SMARCA1: variants seen among roughly 807,000 people sequenced by gnomAD.
The protein encoded by SMARCA1 is SWI/SNF-related matrix-associated actin-dependent regulator of chromatin subfamily A member 1.
SMARCA1 carries 17 observed loss-of-function variants against 93.6 expected under a neutral mutation model. The observed-to-expected ratio is 0.18, with a 90% confidence interval of 0.12 to 0.27. SMARCA1 has a LOEUF of 0.27. Among genes scored for constraint, SMARCA1 ranks in the 10% least tolerant of loss-of-function variants. The probability of loss-of-function intolerance (pLI) is 1.00; values close to 1 mark genes in which losing one functional copy is unlikely to be tolerated. For missense variants in SMARCA1, 630 were observed against 819.0 expected, an observed-to-expected ratio of 0.77 and a Z score of 2.82; for synonymous variants, 271 against 271.4, an observed-to-expected ratio of 1.00 and a Z score of 0.01.
chrX:129,505,583 G>A (rs972393498), intron 8 of SMARCA1, among the ~76,000 whole-genome samples: 1 of 110,500 alleles, frequency 9.0e-6, no homozygotes, highest in South Asian at 3.9e-4. Flanking sequence ...TTAGTTTGGT[G>A]TCCTAGCATA....
chrX:129,490,613 A>G (rs910315773), intron 14 of SMARCA1, among the ~76,000 whole-genome samples: 4 of 112,105 alleles, frequency 3.6e-5, no homozygotes, highest in Admixed American at 2.8e-4. Flanking sequence ...TATGCAGTAA[A>G]GAGTTATAAA....
chrX:129,487,638 T>C (rs1416634884), intron 16 of SMARCA1, among the ~76,000 whole-genome samples: 2 of 112,158 alleles, frequency 1.8e-5, no homozygotes, highest in Admixed American at 1.9e-4. Context: ...ATCCACACTG[T>C]GATTAACTCA....
intron 12 of SMARCA1, among the ~76,000 whole-genome samples, chrX:129,494,901 T>C (rs1934264089): frequency 8.9e-6 from 1 of 112,429 alleles, no homozygotes; most frequent in Middle Eastern, 4.7e-3. Context: ...CCATGATCTT[T>C]ACCCAAAGCA....
Position 129,515,976 on chromosome X carries a change from T to A in SMARCA1, c.447A>T (p.Thr149=). 8.3e-7 allele frequency: 1 copy of A among 1,202,852 alleles called. No individual in the cohort carries two copies. The highest frequency in any genetic ancestry group is 1.1e-6 in the Non-Finnish European group (1 of 887,746). Reference sequence around the variant, plus strand: ...GTAGCTCTTCATCTTCTTCTTGCTCTGTGCGCCTATGGCGGTAGCTGAAAT... The same window carrying A: ...GTAGCTCTTCATCTTCTTCTTGCTCAGTGCGCCTATGGCGGTAGCTGAAAT... ...ISAGDYRHRR[T]EQEEDEELLS... is the part of the protein sequence containing the mutation. The change falls in exon 4 of 25, where the codon ACA becomes ACT. Residue 149 remains threonine, a synonymous_variant. Transcript: ENST00000371121.
chrX:129,523,099 C>T, intron 1 of SMARCA1, 98 bp downstream of exon 1: 2 of 988,212 alleles, frequency 2.0e-6, no homozygotes, highest in Non-Finnish European at 1.4e-6. Context: ...CGCAAAGCTC[C>T]GCGGGTACCT....
At chrX:129,450,278 T>A (rs1932224522) in intron 23 of SMARCA1, among the ~76,000 whole-genome samples, 1 of 111,974 alleles carries the variant, frequency 8.9e-6, no homozygotes, top group African/African-American at 3.2e-5. Context: ...CAATGGGCCA[T>A]ATGAGAATGC....
chrX:129,514,522 A>G (rs1935124678), intron 5 of SMARCA1, among the ~76,000 whole-genome samples: 1 of 112,329 alleles, frequency 8.9e-6, no homozygotes, highest in Admixed American at 9.4e-5. Context: ...TTGATTGTTC[A>G]CAAGTCAAAA....
intron 23 of SMARCA1, among the ~76,000 whole-genome samples, chrX:129,449,631 T>C (rs1029036370): frequency 8.9e-6 from 1 of 112,187 alleles, no homozygotes. Flanking sequence ...CTGTATACTT[T>C]GCTATATTTT....
In SMARCA1 at chrX:129,452,683, C is replaced by G. The variant is rs1443519149; in HGVS notation, c.3031-4240G>C. Reference sequence around the variant, plus strand: ...TATCATCGATTTGCACACCCTGGAACAACGTTTGGTAGAAATCAACTTGGG... The same window carrying G: ...TATCATCGATTTGCACACCCTGGAAGAACGTTTGGTAGAAATCAACTTGGG... On this transcript the variant is annotated intron_variant, in intron 23 of 24. Transcript: ENST00000371121. Among the ~76,000 whole-genome samples the G allele has an allele frequency of 1.6e-4, 18 of 111,974 alleles. No individual in the cohort carries two copies. The Admixed American group carries it at 1.7e-3, about 11-fold the overall frequency.
At chrX:129,523,106 A>C in intron 1 of SMARCA1, 91 bp downstream of exon 1, 19 of 958,489 alleles carry the variant, frequency 2.0e-5, no homozygotes, top group Non-Finnish European at 2.6e-5. Context: ...CTCCGCGGGT[A>C]CCTGTCGGCG....
intron 23 of SMARCA1, among the ~76,000 whole-genome samples, chrX:129,463,923 A>G (rs1932850651): frequency 8.9e-6 from 1 of 111,749 alleles, no homozygotes; most frequent in Non-Finnish European, 1.9e-5. Flanking sequence ...GGTGACAAAG[A>G]GTGAAACTCC....
At chrX:129,489,750 GGATTCACCAT>G (rs1393009002) in intron 15 of SMARCA1, among the ~76,000 whole-genome samples, 4 of 111,506 alleles carry the variant, frequency 3.6e-5, no homozygotes. Context: ...GTAGAGACAG[GGATTCACCAT>G]GTTGGCCAGG....
chrX:129,502,853 T>C (rs986393373), intron 9 of SMARCA1, among the ~76,000 whole-genome samples: 2 of 111,281 alleles, frequency 1.8e-5, no homozygotes, highest in African/African-American at 6.5e-5. Flanking sequence ...ATAGAAAATA[T>C]AGTCAATTAA....
intron 6 of SMARCA1, among the ~76,000 whole-genome samples, chrX:129,511,000 T>A (rs371448642): frequency 8.9e-6 from 1 of 111,869 alleles, no homozygotes; most frequent in Non-Finnish European, 1.9e-5. Context: ...TTTGAGGATA[T>A]CTTTAGATAA....
At chrX:129,503,964 C>CAAA (rs77290378) in intron 9 of SMARCA1, among the ~76,000 whole-genome samples, 1 of 60,204 alleles carries the variant, frequency 1.7e-5, no homozygotes, top group African/African-American at 6.1e-5. Flanking sequence ...GACTCTCTCT[C>CAAA]AAAAAAAAAA....
intron 23 of SMARCA1, among the ~76,000 whole-genome samples, chrX:129,461,993 G>C (rs1178584657): frequency 8.9e-6 from 1 of 111,837 alleles, no homozygotes; most frequent in African/African-American, 3.2e-5. Flanking sequence ...CTTTCAAAGT[G>C]AGGCATATTT....
At chrX:129,459,210 A>G (rs1932758703) in intron 23 of SMARCA1, among the ~76,000 whole-genome samples, 1 of 111,541 alleles carries the variant, frequency 9.0e-6, no homozygotes, top group South Asian at 3.8e-4. Flanking sequence ...CATGAGGTCA[A>G]GAAATCGAGA....
At chrX:129,505,702 C>T (rs928106821) in intron 8 of SMARCA1, among the ~76,000 whole-genome samples, 2 of 111,162 alleles carry the variant, frequency 1.8e-5, no homozygotes, top group African/African-American at 6.5e-5. Flanking sequence ...AATGTCAATG[C>T]CTACAATAAT....
At chrX:129,480,901 G>T in intron 18 of SMARCA1, 87 bp from the exon 19 acceptor site, 1 of 633,615 alleles carries the variant, frequency 1.6e-6, no homozygotes, top group Non-Finnish European at 2.4e-6. Context: ...GTGATATATG[G>T]AACAATAAAT....
Sources: allele counts gnomAD v4.1 joint callset (sites outside exome capture counted in the v4.1 genomes callset), GRCh38; gene constraint gnomAD v4.1.1; transcripts MANE v1.5; gene names NCBI Gene and HGNC (gene_info 2026-07-23, HGNC 2026-07-21).